Variants in SLC2A11 observed in about 807,000 individuals in gnomAD.
SLC2A11 encodes the protein solute carrier family 2 member 11.
A neutral mutation model predicts 52.1 loss-of-function variants in SLC2A11; 43 were observed. That is an observed-to-expected ratio of 0.82 (90% confidence interval 0.65 to 1.06). SLC2A11 has a LOEUF of 1.06. Ranked by LOEUF, SLC2A11 falls within the 50% of genes least tolerant of loss-of-function variation. SLC2A11 has a pLI of 0.00. For synonymous variants in SLC2A11, 261 were observed against 277.6 expected (o/e 0.94, Z 0.59); for missense variants, 582 against 654.2 (o/e 0.89, Z 1.20).
rs113963201 is a variant in SLC2A11, at chr22:23,884,303, C to T, written c.1173C>T (p.Ala391=). 2.9e-5 allele frequency: 47 copies of T among 1,612,874 alleles called. No individual in the cohort carries two copies. The highest frequency in any genetic ancestry group is 1.6e-4 in the African/African-American group (12 of 75,042). ...CCCTGTCCCTGCCCCTCCTTCTAGC[C>T]GGAGTGACGGGGATCCTGGCCACAG... ...AFILSFGIGP[A]GVTGILATEL... Residue 391 remains alanine, a splice_region_variant and synonymous_variant, in exon 11 of 12, where the codon GCC becomes GCT. Transcript: ENST00000316185. The surrounding 1 kb of genome is among the most constrained non-coding windows in gnomAD (Gnocchi z 4.3).
intron 4 of SLC2A11, among the ~76,000 whole-genome samples, chr22:23,876,809 C>T (rs537232617): frequency 1.3e-5 from 2 of 152,220 alleles, no homozygotes; most frequent in Non-Finnish European, 2.9e-5. Context: ...AGGATGGGAG[C>T]GGATCTGAGA....
In SLC2A11 at chr22:23,882,757, A is replaced by G. The variant is rs746936056; in HGVS notation, c.883-2A>G. 2 of 1,611,402 alleles carry G rather than the reference A, an allele frequency of 1.2e-6. No individual in the cohort carries two copies. The highest frequency in any genetic ancestry group is 3.3e-5 in the Admixed American group (2 of 59,756). ...CCAGGCCTGAAAGCCACCCTCTCCC[A>G]GGTGTACGCCTACGCCTCCTCCGTG... is the stretch of plus-strand genomic sequence containing the variant. On this transcript the variant is annotated splice_acceptor_variant, in intron 7 of 11. Coordinates refer to ENST00000316185, the MANE Select transcript of SLC2A11 (RefSeq NM_001024939.4). LOFTEE classifies it high-confidence loss of function.
chr22:23,870,259 G>A (rs2032408542), intron 3 of SLC2A11: 1 of 535,182 alleles, frequency 1.9e-6, no homozygotes, highest in Non-Finnish European at 3.3e-6. Context: ...AAGCATGAAA[G>A]GAAGAAATTA....
In SLC2A11 at chr22:23,882,876, C is replaced by T; in HGVS notation, c.993+7C>T. Reference sequence around the variant, plus strand: ...GCTCACGGCGGTTGTTAGTGTGAGTCTGGAGGGTGCCCTTCCTCCACCAGC... The same window carrying T: ...GCTCACGGCGGTTGTTAGTGTGAGTTTGGAGGGTGCCCTTCCTCCACCAGC... On this transcript the variant is annotated splice_region_variant and intron_variant, in intron 8 of 11. Transcript: ENST00000316185. 1 of 1,605,350 alleles carries T rather than the reference C, an allele frequency of 6.2e-7. No homozygotes were observed. Among genetic ancestry groups the T allele is most frequent in the African/African-American group, 1.3e-5 (1 of 74,808 alleles).
At chr22:23,865,012 C>T (rs1471247220) in intron 2 of SLC2A11, among the ~76,000 whole-genome samples, 2 of 145,954 alleles carry the variant, frequency 1.4e-5, no homozygotes, top group African/African-American at 5.0e-5. Flanking sequence ...GAGGCTGAGG[C>T]AGGAAAATTG....
intron 6 of SLC2A11, chr22:23,879,569 A>G (rs2032733499): frequency 6.6e-6 from 1 of 152,248 alleles, no homozygotes; most frequent in African/African-American, 2.4e-5. Context: ...TCTGGCTAGC[A>G]TGGGAGTTTT....
intron 1 of SLC2A11, among the ~76,000 whole-genome samples, chr22:23,859,070 T>C (rs1363760817): frequency 6.6e-6 from 1 of 152,210 alleles, no homozygotes; most frequent in Non-Finnish European, 1.5e-5. Context: ...TTTCCTGTAG[T>C]CTTAGAGACC....
rs56772479 is a variant in SLC2A11, at chr22:23,884,867, G to C, written c.*18G>C. 27 of 1,611,336 alleles carry C rather than the reference G, an allele frequency of 1.7e-5. No individual in the cohort carries two copies. The Admixed American group carries it at 3.7e-4, about 22-fold the overall frequency. Reference sequence around the variant, plus strand: ...AACTCTAGTCCCAAAGGGGTGGCCAGAGCCAAAGCCAGCTACTGTCCTGTC... The same window carrying C: ...AACTCTAGTCCCAAAGGGGTGGCCACAGCCAAAGCCAGCTACTGTCCTGTC... On this transcript the variant is annotated 3_prime_UTR_variant, in exon 12 of 12. Transcript: ENST00000316185. This position sits in a 1 kb window ranked among gnomAD's most constrained non-coding sequence, Gnocchi z 4.3.
chr22:23,879,076 G>C (rs962740746), intron 6 of SLC2A11, among the ~76,000 whole-genome samples: 3 of 152,100 alleles, frequency 2.0e-5, no homozygotes, highest in African/African-American at 4.8e-5. Context: ...AGTATTCTTT[G>C]TTCAAGTTCC....
At chr22:23,882,911 A>G in intron 8 of SLC2A11, 42 bp downstream of exon 8, 3 of 1,513,200 alleles carry the variant, frequency 2.0e-6, no homozygotes, top group African/African-American at 1.4e-5. Context: ...CCCTGTGGGG[A>G]GGGACCCCCA....
At chr22:23,883,448 G>A (rs2146146877) in intron 8 of SLC2A11, 1 of 398,030 alleles carries the variant, frequency 2.5e-6, no homozygotes, top group Middle Eastern at 6.4e-4. Flanking sequence ...TCCAGCGTGG[G>A]CTGGACCAGT....
At chr22:23,870,246 C>A in intron 3 of SLC2A11, 1 of 542,268 alleles carries the variant, frequency 1.8e-6, no homozygotes, top group Admixed American at 3.6e-5. Context: ...GTACAGTTGG[C>A]ATAAGCATGA....
chr22:23,857,359 G>T, upstream of SLC2A11: 1 of 1,476,958 alleles, frequency 6.8e-7, no homozygotes. Context: ...TGGCACTTGC[G>T]AGGGCGAATG....
At chr22:23,879,046 C>T (rs1385514971) in intron 6 of SLC2A11, among the ~76,000 whole-genome samples, 1 of 152,182 alleles carries the variant, frequency 6.6e-6, no homozygotes, top group African/African-American at 2.4e-5. Context: ...ATGGCCATGT[C>T]CCCTGCCTTG....
intron 5 of SLC2A11, 118 bp from the exon 6 acceptor site, chr22:23,877,603 G>A: frequency 7.6e-7 from 1 of 1,323,756 alleles, no homozygotes; most frequent in Non-Finnish European, 1.0e-6. Context: ...ACTTGGATAG[G>A]AAGAGGCACG....
At chr22:23,867,578 A>C (rs2032311945) in intron 2 of SLC2A11, 2 of 413,830 alleles carry the variant, frequency 4.8e-6, no homozygotes, top group African/African-American at 4.2e-5. Context: ...TATGGTAATG[A>C]GATGACAGGG....
chr22:23,879,232 G>T (rs536156981), intron 6 of SLC2A11, among the ~76,000 whole-genome samples: 25 of 152,018 alleles, frequency 1.6e-4, no homozygotes, highest in Non-Finnish European at 3.4e-4. Context: ...TTGTTGATCA[G>T]CACGGAAGTT....
Position 23,884,723 on chromosome 22 carries a change from C to A in SLC2A11, c.1374C>A (p.Phe458Leu). 1 of 1,614,176 alleles carries A rather than the reference C, an allele frequency of 6.2e-7. No individual in the cohort carries two copies. The highest frequency in any genetic ancestry group is 1.1e-5 in the South Asian group (1 of 91,076). ...CVCGAIYTGL[F>L]LPETKGKTFQ... ...GTGGGGCCATCTACACTGGCCTGTT[C>A]CTTCCTGAGACCAAAGGCAAGACCT... is the stretch of plus-strand genomic sequence containing the variant. The change falls in exon 12 of 12, where the codon TTC (phenylalanine) becomes TTA (leucine). Residue 458 changes from phenylalanine (F) to leucine (L), a missense_variant. Transcript: ENST00000316185. This position sits in a 1 kb window ranked among gnomAD's most constrained non-coding sequence, Gnocchi z 4.3.
intron 6 of SLC2A11, 62 bp from the exon 7 acceptor site, chr22:23,882,397 C>T (rs2032843512): frequency 2.1e-6 from 3 of 1,429,006 alleles, no homozygotes; most frequent in Middle Eastern, 2.5e-4. Context: ...GGGGGCGTCC[C>T]TGTAGGGGGA....
Sources: allele counts gnomAD v4.1 joint callset (sites outside exome capture counted in the v4.1 genomes callset), GRCh38; gene constraint gnomAD v4.1.1; non-coding constraint Gnocchi (gnomAD v3.1); transcripts MANE v1.5; gene names NCBI Gene and HGNC (gene_info 2026-07-23, HGNC 2026-07-21).